CLASP1: variants seen among roughly 807,000 people sequenced by gnomAD.
CLASP1 encodes CLIP-associating protein 1.
A neutral mutation model predicts 192.3 loss-of-function variants in CLASP1; 38 were observed. The ratio of observed to expected loss-of-function variants is 0.20; its 90% CI spans 0.15 to 0.26. CLASP1 has a LOEUF of 0.26. Among genes scored for constraint, CLASP1 ranks in the 10% least tolerant of loss-of-function variants. CLASP1 has a pLI of 1.00. For missense variants in CLASP1, 1,433 were observed against 1,932.5 expected (o/e 0.74, Z 4.85); for synonymous variants, 691 against 712.8 (o/e 0.97, Z 0.49).
intron 2 of CLASP1, 179 bp from the exon 3 acceptor site, chr2:121,530,504 C>G (rs1018932749): frequency 3.8e-5 from 22 of 585,852 alleles, no homozygotes; most frequent in Middle Eastern, 4.6e-4. Context: ...ACAAAAAGAG[C>G]TATGTACAGC....
intron 34 of CLASP1, among the ~76,000 whole-genome samples, chr2:121,374,427 G>A (rs893205804): frequency 6.6e-6 from 1 of 152,246 alleles, no homozygotes; most frequent in African/African-American, 2.4e-5. Flanking sequence ...GAGGAGAAAT[G>A]TGGGGTTGGA....
chr2:121,459,022 C>T (rs2087283509), intron 12 of CLASP1, 47 bp from the exon 13 acceptor site: 1 of 1,462,638 alleles, frequency 6.8e-7, no homozygotes, highest in Non-Finnish European at 9.2e-7. Flanking sequence ...TTCTTAGAGA[C>T]AGTGAAGCAT....
chr2:121,508,368 CTAAAA>C (rs1243034391), intron 7 of CLASP1, among the ~76,000 whole-genome samples: 1 of 152,088 alleles, frequency 6.6e-6, no homozygotes, highest in Non-Finnish European at 1.5e-5. Flanking sequence ...CCCCAAAAAA[CTAAAA>C]TAAACAGCAA....
At chr2:121,444,242 C>G (rs967683761) in intron 19 of CLASP1, among the ~76,000 whole-genome samples, 2 of 152,080 alleles carry the variant, frequency 1.3e-5, no homozygotes, top group East Asian at 3.9e-4. Context: ...TAAAGTGGAT[C>G]TGGATATGCC....
chr2:121,457,524 A>G (rs1389430977), intron 14 of CLASP1, among the ~76,000 whole-genome samples, 163 bp downstream of exon 14: 2 of 151,842 alleles, frequency 1.3e-5, no homozygotes, highest in Non-Finnish European at 2.9e-5. Context: ...TTCATTTCCC[A>G]AAATATTTAG....
chr2:121,646,663 T>G (rs1377609997), intron 1 of CLASP1, among the ~76,000 whole-genome samples: 1 of 152,160 alleles, frequency 6.6e-6, no homozygotes, highest in African/African-American at 2.4e-5. Flanking sequence ...AATTTAAGTC[T>G]CAGGCCCAAG....
chr2:121,542,518 A>C (rs72971211), intron 2 of CLASP1, among the ~76,000 whole-genome samples: 5,846 of 152,316 alleles, frequency 0.038, 159 homozygotes, highest in East Asian at 0.14. Context: ...TGTGATAGTC[A>C]GTGACTTTGC....
intron 1 of CLASP1, among the ~76,000 whole-genome samples, chr2:121,616,073 CT>C (rs2066407275): frequency 6.6e-6 from 1 of 152,116 alleles, no homozygotes; most frequent in Non-Finnish European, 1.5e-5. Context: ...TTCAAGAAGC[CT>C]TAATAAAATA....
intron 1 of CLASP1, among the ~76,000 whole-genome samples, chr2:121,632,515 T>C (rs562299137): frequency 6.6e-6 from 1 of 152,236 alleles, no homozygotes; most frequent in Admixed American, 6.5e-5. Context: ...CAGCATACTA[T>C]TTAGTCATAC....
intron 8 of CLASP1, chr2:121,490,398 C>A (rs185209311): frequency 2.8e-6 from 1 of 360,306 alleles, no homozygotes; most frequent in Non-Finnish European, 5.4e-6. Context: ...CAGTGTGATC[C>A]GGCAGCACCA....
At position 121,627,639 on chromosome 2, in the gene CLASP1, G is replaced by A. The variant is rs533585176; in HGVS notation, c.-285-21459C>T. Among the ~76,000 whole-genome samples the A allele has an allele frequency of 2.6e-5, 4 of 152,302 alleles. No homozygotes were observed. In the East Asian group the frequency reaches 7.7e-4, roughly 29 times the overall value. ...TTGCTTATTGTCCCTCACCATCCAA[G>A]CATGTTTACCTTGCTTAGGCAAGAT... On this transcript the variant is annotated intron_variant, in intron 1 of 39. Transcript: ENST00000263710.
At chr2:121,478,906 C>A (rs1575282249) in intron 8 of CLASP1, among the ~76,000 whole-genome samples, 3 of 57,926 alleles carry the variant, frequency 5.2e-5, no homozygotes, top group African/African-American at 3.8e-4. Flanking sequence ...CACACCACAC[C>A]ACACACACCA....
intron 8 of CLASP1, among the ~76,000 whole-genome samples, chr2:121,498,201 C>CTTTTTTTCTT (rs2093610622): frequency 8.4e-6 from 1 of 119,128 alleles, no homozygotes; most frequent in African/African-American, 3.7e-5. Context: ...GTAATAGTTT[C>CTTTTTTTCTT]TTTTTTTTTT....
intron 1 of CLASP1, among the ~76,000 whole-genome samples, chr2:121,622,674 A>G (rs1372208114): frequency 6.6e-6 from 1 of 152,026 alleles, no homozygotes; most frequent in Non-Finnish European, 1.5e-5. Flanking sequence ...CCTTGGTTTC[A>G]CTTTTGAATT....
chr2:121,389,839 G>A lies in CLASP1; in HGVS notation c.3124-1933C>T, dbSNP rs114040452. 6.3e-3 allele frequency among the ~76,000 whole-genome samples: 954 copies of A among 152,198 alleles called. 13 individuals carry two copies. Among genetic ancestry groups the A allele is most frequent in the African/African-American group, 0.021 (884 of 41,546 alleles). On this transcript the variant is annotated intron_variant, in intron 30 of 39. Coordinates refer to ENST00000263710, the Ensembl canonical transcript of CLASP1. ...AAAATAAGATCCAAGTTCTAGAAAC[G>A]GTAGAAAGTATCATTTAAATATACA...
At chr2:121,445,361 A>C in intron 19 of CLASP1, 1 of 747,674 alleles carries the variant, frequency 1.3e-6, no homozygotes, top group Non-Finnish European at 2.0e-6. Context: ...CCCAAAAGGC[A>C]GAGCCAAGTA....
At chr2:121,378,047 T>C (rs1000504926) in intron 33 of CLASP1, among the ~76,000 whole-genome samples, 25 of 152,210 alleles carry the variant, frequency 1.6e-4, no homozygotes, top group Admixed American at 9.8e-4. Context: ...GAATGGGCAG[T>C]TGGAAATAAA....
At chr2:121,360,078 C>T (rs189830403) in intron 37 of CLASP1, among the ~76,000 whole-genome samples, 2 of 152,328 alleles carry the variant, frequency 1.3e-5, no homozygotes, top group East Asian at 1.9e-4. Flanking sequence ...TGTCCTTCCT[C>T]GCTGCAGTCA....
chr2:121,387,785 T>C, exon 31 of CLASP1: 2 of 1,613,968 alleles, frequency 1.2e-6, no homozygotes, highest in Non-Finnish European at 1.7e-6. Flanking sequence ...ACTGGAATTC[T>C]TGAGGTGGTT....
Sources: allele counts gnomAD v4.1 joint callset (sites outside exome capture counted in the v4.1 genomes callset), GRCh38; gene constraint gnomAD v4.1.1; transcripts MANE v1.5; gene names NCBI Gene and HGNC (gene_info 2026-07-23, HGNC 2026-07-21).